CNTN5: variants seen among roughly 807,000 people sequenced by gnomAD.
CNTN5 encodes the protein contactin 5.
CNTN5 carries 77 observed loss-of-function variants against 129.1 expected under a neutral mutation model. That is an observed-to-expected ratio of 0.60 (90% confidence interval 0.50 to 0.72). The LOEUF is 0.72. Ranked by LOEUF, CNTN5 falls within the 30% of genes least tolerant of loss-of-function variation. The pLI, the probability that CNTN5 is intolerant of heterozygous loss-of-function variation, is 0.00. For missense variants in CNTN5, 1,478 were observed against 1,328.8 expected, an observed-to-expected ratio of 1.11 and a Z score of -1.75; for synonymous variants, 509 against 465.6, an observed-to-expected ratio of 1.09 and a Z score of -1.20.
At chr11:100,297,983 T>C (rs11822251) in intron 19 of CNTN5, among the ~76,000 whole-genome samples, 2,746 of 151,584 alleles carry the variant, frequency 0.018, 87 homozygotes, top group African/African-American at 0.062. Context: ...GATTACAAAA[T>C]TTGTGTCATT....
intron 16 of CNTN5, among the ~76,000 whole-genome samples, chr11:100,237,061 C>T (rs12361900): frequency 2.6e-5 from 4 of 151,646 alleles, no homozygotes; most frequent in East Asian, 1.9e-4. Flanking sequence ...TGGTGGTGGG[C>T]GCCTCTAGTC....
At chr11:100,291,915 T>C (rs938069417) in intron 18 of CNTN5, among the ~76,000 whole-genome samples, 4 of 151,816 alleles carry the variant, frequency 2.6e-5, no homozygotes, top group African/African-American at 9.7e-5. Context: ...AAAGGTTTTT[T>C]CTTCTCCCGC....
intron 1 of CNTN5, among the ~76,000 whole-genome samples, chr11:99,216,652 C>A (rs1860134452): frequency 6.6e-6 from 1 of 151,998 alleles, no homozygotes; most frequent in Non-Finnish European, 1.5e-5. Flanking sequence ...ATACTTAAAT[C>A]TAAGACCTGA....
chr11:99,201,351 T>TTTCCTTCCTTCCTTCC (rs71046674), intron 1 of CNTN5, among the ~76,000 whole-genome samples: 3,286 of 88,192 alleles, frequency 0.037, 154 homozygotes, highest in African/African-American at 0.096. Context: ...CTTCCTTTCC[T>TTTCCTTCCTTCCTTCC]TTCCTTCCTT....
chr11:99,435,463 C>T (rs1943561855), intron 2 of CNTN5, among the ~76,000 whole-genome samples: 2 of 152,118 alleles, frequency 1.3e-5, no homozygotes, highest in East Asian at 3.9e-4. Context: ...AGGGAGAGCT[C>T]ACACTGAAAC....
intron 1 of CNTN5, among the ~76,000 whole-genome samples, chr11:99,199,945 G>C (rs75587399): frequency 6.6e-6 from 1 of 151,124 alleles, no homozygotes; most frequent in African/African-American, 2.4e-5. Flanking sequence ...AATACTTTGC[G>C]AACACCAATA....
chr11:100,211,579 T>C (rs894394129), intron 15 of CNTN5, among the ~76,000 whole-genome samples: 4 of 152,158 alleles, frequency 2.6e-5, no homozygotes, highest in Admixed American at 2.6e-4. Flanking sequence ...TCTGTAGTTA[T>C]AAATAGAAGG....
chr11:99,473,145 T>C (rs2135281937), intron 2 of CNTN5, among the ~76,000 whole-genome samples: 1 of 152,306 alleles, frequency 6.6e-6, no homozygotes, highest in Admixed American at 6.5e-5. Flanking sequence ...CTAGAATGAA[T>C]TATTTTTCTC....
At chr11:99,973,310 A>G (rs541672547) in intron 8 of CNTN5, among the ~76,000 whole-genome samples, 118 of 152,140 alleles carry the variant, frequency 7.8e-4, no homozygotes, top group Non-Finnish European at 1.5e-3. Flanking sequence ...CTTGTCATGT[A>G]TTTAATTCCT....
intron 9 of CNTN5, among the ~76,000 whole-genome samples, chr11:100,048,118 G>T (rs769714700): frequency 3.3e-5 from 5 of 152,056 alleles, no homozygotes; most frequent in Non-Finnish European, 7.4e-5. Flanking sequence ...GTGACAGAGC[G>T]AGACTCCATC....
At chr11:99,424,642 T>G (rs1459098693) in intron 2 of CNTN5, among the ~76,000 whole-genome samples, 2 of 152,212 alleles carry the variant, frequency 1.3e-5, no homozygotes, top group Non-Finnish European at 2.9e-5. Context: ...GCCCACAAGC[T>G]TGGAGATGCC....
At chr11:99,517,824 G>A (rs1947116324) in intron 2 of CNTN5, among the ~76,000 whole-genome samples, 1 of 152,082 alleles carries the variant, frequency 6.6e-6, no homozygotes, top group Admixed American at 6.6e-5. Context: ...TAACTTAAAT[G>A]TTTTTCTTTG....
chr11:99,612,336 G>A (rs1443949369), intron 3 of CNTN5, among the ~76,000 whole-genome samples: 1 of 152,160 alleles, frequency 6.6e-6, no homozygotes, highest in Non-Finnish European at 1.5e-5. Flanking sequence ...TTGAAAGGCT[G>A]TCTCACTTAT....
chr11:99,584,301 C>T (rs1949718107), intron 3 of CNTN5, among the ~76,000 whole-genome samples: 1 of 152,186 alleles, frequency 6.6e-6, no homozygotes, highest in South Asian at 2.1e-4. Context: ...CATGGCTTTT[C>T]TCCTAGCTCA....
Position 100,186,210 on chromosome 11 carries a change from C to T in CNTN5, c.1581-4916C>T, listed in dbSNP as rs1948297819. On this transcript the variant is annotated intron_variant, in intron 13 of 24. Coordinates refer to ENST00000524871, the MANE Select transcript of CNTN5 (RefSeq NM_014361.4). Reference sequence around the variant, plus strand: ...CCCATCTCTACAAATAAATAAGTAACTAAATACAAAAATTAGCCAGGCATG... The same window carrying T: ...CCCATCTCTACAAATAAATAAGTAATTAAATACAAAAATTAGCCAGGCATG... 1.3e-5 allele frequency among the ~76,000 whole-genome samples: 2 copies of T among 151,634 alleles called. 1 individual carries two copies. The highest frequency in any genetic ancestry group is 4.2e-4 in the South Asian group (2 of 4,804).
chr11:99,805,157 CATG>C (rs1179217091), intron 3 of CNTN5, among the ~76,000 whole-genome samples: 1 of 152,092 alleles, frequency 6.6e-6, no homozygotes, highest in African/African-American at 2.4e-5. Context: ...AGGCCTGTAA[CATG>C]ATCAGAAACA....
At chr11:99,456,993 AAAG>A (rs1157125675) in intron 2 of CNTN5, among the ~76,000 whole-genome samples, 3 of 152,054 alleles carry the variant, frequency 2.0e-5, no homozygotes, top group South Asian at 2.1e-4. Flanking sequence ...ATAAAATAAA[AAAG>A]AAGACCAGCA....
At chr11:100,143,435 G>T (rs1197057094) in intron 13 of CNTN5, among the ~76,000 whole-genome samples, 1 of 152,068 alleles carries the variant, frequency 6.6e-6, no homozygotes, top group Non-Finnish European at 1.5e-5. Context: ...ACTAAACTCA[G>T]AAAAATGAGA....
chr11:99,176,090 C>T (rs1329142259), intron 1 of CNTN5, among the ~76,000 whole-genome samples: 1 of 152,196 alleles, frequency 6.6e-6, no homozygotes, highest in Non-Finnish European at 1.5e-5. Context: ...ATCTGCTAAA[C>T]CCAATGGCAA....
Sources: allele counts gnomAD v4.1 joint callset (sites outside exome capture counted in the v4.1 genomes callset), GRCh38; gene constraint gnomAD v4.1.1; transcripts MANE v1.5; gene names NCBI Gene and HGNC (gene_info 2026-07-23, HGNC 2026-07-21).